The following ADAMTS12 variants were observed in gnomAD, a reference collection of about 807,000 sequenced individuals.
The protein encoded by ADAMTS12 is ADAM metallopeptidase with thrombospondin type 1 motif 12, also known as A disintegrin and metalloproteinase with thrombospondin motifs 12.
ADAMTS12 carries 118 observed loss-of-function variants against 167.8 expected under a neutral mutation model. The observed-to-expected ratio is 0.70, with a 90% CI of 0.61 to 0.82. The LOEUF (loss-of-function observed/expected upper bound fraction) is 0.82. Among genes scored for constraint, ADAMTS12 ranks in the 40% least tolerant of loss-of-function variants. The pLI, the probability that ADAMTS12 is intolerant of heterozygous loss-of-function variation, is 0.00. For synonymous variants in ADAMTS12, 704 were observed against 716.9 expected, an observed-to-expected ratio of 0.98 and a Z score of 0.29; for missense variants, 1,916 against 1,998.8, an observed-to-expected ratio of 0.96 and a Z score of 0.79.
intron 1 of ADAMTS12, 98 bp downstream of exon 1, chr5:33,891,632 T>A: frequency 6.4e-7 from 1 of 1,560,228 alleles, no homozygotes; most frequent in Non-Finnish European, 8.7e-7. Context: ...CTTTTCAGAG[T>A]TCAGTTCTGC....
At chr5:33,754,455 G>C (rs757222519) in intron 2 of ADAMTS12, among the ~76,000 whole-genome samples, 22 of 152,320 alleles carry the variant, frequency 1.4e-4, no homozygotes, top group Non-Finnish European at 2.4e-4. Flanking sequence ...TTCACCTCCT[G>C]TGCCATCTGC....
chr5:33,887,760 T>C (rs1025350612), intron 1 of ADAMTS12, among the ~76,000 whole-genome samples: 3 of 152,102 alleles, frequency 2.0e-5, no homozygotes, highest in African/African-American at 7.2e-5. Context: ...GTTATTCTTT[T>C]TTTTTTTTTG....
chr5:33,881,023 T>C, intron 2 of ADAMTS12, 96 bp downstream of exon 2: 1 of 1,515,150 alleles, frequency 6.6e-7, no homozygotes. Context: ...TCAACTCCCA[T>C]ATGTCAGTGC....
At chr5:33,841,102 C>G (rs1333497105) in intron 2 of ADAMTS12, among the ~76,000 whole-genome samples, 1 of 152,130 alleles carries the variant, frequency 6.6e-6, no homozygotes, top group African/African-American at 2.4e-5. Flanking sequence ...GCACACATGA[C>G]CACACAGTCT....
At chr5:33,739,936 G>GA (rs1479241338) in intron 3 of ADAMTS12, among the ~76,000 whole-genome samples, 1 of 152,250 alleles carries the variant, frequency 6.6e-6, no homozygotes, top group Non-Finnish European at 1.5e-5. Context: ...AAGCCCACTT[G>GA]ATGGGCTTTA....
At chr5:33,684,414 T>C (rs1276802695) in intron 3 of ADAMTS12, among the ~76,000 whole-genome samples, 1 of 152,216 alleles carries the variant, frequency 6.6e-6, no homozygotes, top group African/African-American at 2.4e-5. Context: ...AAATGCCACA[T>C]TGTTTATCCT....
intron 22 of ADAMTS12, among the ~76,000 whole-genome samples, chr5:33,540,690 AG>A (rs1257529106): frequency 6.6e-6 from 1 of 152,258 alleles, no homozygotes; most frequent in Non-Finnish European, 1.5e-5. Flanking sequence ...CCAGGCAAAC[AG>A]GGTCTGGAGT....
At chr5:33,713,111 A>T (rs942497214) in intron 3 of ADAMTS12, among the ~76,000 whole-genome samples, 1 of 152,210 alleles carries the variant, frequency 6.6e-6, no homozygotes, top group East Asian at 1.9e-4. Flanking sequence ...TCTGAAAAGA[A>T]GAAGACGTTT....
intron 2 of ADAMTS12, among the ~76,000 whole-genome samples, chr5:33,843,801 G>T (rs146674550): frequency 2.1e-3 from 327 of 152,326 alleles, no homozygotes; most frequent in Non-Finnish European, 3.7e-3. Flanking sequence ...GGCCTAGGCA[G>T]TGTGGATACT....
At chr5:33,772,523 G>A (rs1171421517) in intron 2 of ADAMTS12, among the ~76,000 whole-genome samples, 1 of 152,200 alleles carries the variant, frequency 6.6e-6, no homozygotes, top group East Asian at 1.9e-4. Flanking sequence ...TCAGGAGATT[G>A]AGCAAAAATA....
rs144922263 is a variant in ADAMTS12, at chr5:33,661,935, C to A, written c.1021G>T (p.Val341Leu). 6.2e-7 allele frequency: 1 copy of A among 1,613,376 alleles called. No individual in the cohort carries two copies. Among genetic ancestry groups the A allele is most frequent in the Admixed American group, 1.7e-5 (1 of 59,986 alleles). The change falls in exon 6 of 24, where the codon GTG becomes TTG. Residue 341 changes from valine to leucine, a missense_variant. Coordinates refer to ENST00000504830, the MANE Select transcript of ADAMTS12 (RefSeq NM_030955.4). ...GTGTACCTGGTGAGAAGGACAGCCA[C>A]GTCGTGATGAACAGGATTGAGGTCA... ...KSDLNPVHHD[V>L]AVLLTRKDIC...
At chr5:33,871,396 G>A (rs1750033239) in intron 2 of ADAMTS12, among the ~76,000 whole-genome samples, 1 of 151,922 alleles carries the variant, frequency 6.6e-6, no homozygotes, top group Non-Finnish European at 1.5e-5. Flanking sequence ...AAACAGTACT[G>A]AAAAGAAAGG....
chr5:33,663,047 G>A (rs1579811881), intron 5 of ADAMTS12, among the ~76,000 whole-genome samples: 1 of 152,196 alleles, frequency 6.6e-6, no homozygotes, highest in African/African-American at 2.4e-5. Context: ...AAAGGCCCGA[G>A]GGGCATCAGT....
intron 9 of ADAMTS12, among the ~76,000 whole-genome samples, chr5:33,646,823 C>CAT (rs1430461527): frequency 6.6e-6 from 1 of 151,786 alleles, no homozygotes; most frequent in East Asian, 1.9e-4. Context: ...AAATATGTCA[C>CAT]ATATTATTAA....
At position 33,846,483 on chromosome 5, in the gene ADAMTS12, T is replaced by C. The variant is rs557068452; in HGVS notation, c.489+34636A>G. Among the ~76,000 whole-genome samples the C allele has an allele frequency of 2.6e-5, 4 of 152,358 alleles. No homozygotes were observed. In the East Asian group the frequency reaches 5.8e-4, roughly 22 times the overall value. ...TAAAGTTCCTTTTTACTCATTTTTC[T>C]AGGTCAAGCTCAAATGCTCATCTTC... On this transcript the variant is annotated intron_variant, in intron 2 of 23. Transcript: ENST00000504830.
chr5:33,765,447 AGC>A (rs1300857331), intron 2 of ADAMTS12, among the ~76,000 whole-genome samples: 30 of 152,238 alleles, frequency 2.0e-4, no homozygotes, highest in Admixed American at 5.2e-4. Flanking sequence ...AATCTAATCA[AGC>A]TTAACACTTT....
chr5:33,696,646 G>A (rs1433146670), intron 3 of ADAMTS12, among the ~76,000 whole-genome samples: 1 of 152,096 alleles, frequency 6.6e-6, no homozygotes, highest in Admixed American at 6.5e-5. Flanking sequence ...TCATGCAGCT[G>A]GCTTTCCAGG....
intron 13 of ADAMTS12, among the ~76,000 whole-genome samples, chr5:33,627,510 G>T (rs1333190074): frequency 6.7e-6 from 1 of 150,370 alleles, no homozygotes; most frequent in East Asian, 1.9e-4. Flanking sequence ...GATGGTGGTG[G>T]TGGTAGTGGT....
chr5:33,702,743 G>A (rs1743047880), intron 3 of ADAMTS12, among the ~76,000 whole-genome samples: 1 of 152,110 alleles, frequency 6.6e-6, no homozygotes, highest in South Asian at 2.1e-4. Flanking sequence ...CATTCCTTTA[G>A]AAGGCAGGTC....
Sources: gnomAD v4.1 joint callset for allele counts (sites outside exome capture counted in the v4.1 genomes callset) on GRCh38, gnomAD v4.1.1 for gene constraint, MANE v1.5 for transcripts, NCBI Gene and HGNC (gene_info 2026-07-23, HGNC 2026-07-21) for gene names.